LDB2: variants seen among roughly 807,000 people sequenced by gnomAD.
LDB2 encodes LIM domain-binding protein 2.
Under a neutral mutation model 44.3 loss-of-function variants are expected in LDB2, and 12 were observed. The ratio of observed to expected loss-of-function variants is 0.27; its 90% CI spans 0.17 to 0.44. The LOEUF is 0.44. Ranked by LOEUF, LDB2 falls within the 20% of genes least tolerant of loss-of-function variation. LDB2 has a pLI of 1.00. For missense variants in LDB2, 344 were observed against 473.5 expected (o/e 0.73, Z 2.54); for synonymous variants, 164 against 174.8 (o/e 0.94, Z 0.49).
intron 1 of LDB2, among the ~76,000 whole-genome samples, chr4:16,794,780 T>C (rs1776403892): frequency 6.6e-6 from 1 of 152,256 alleles, no homozygotes; most frequent in Admixed American, 6.5e-5. Flanking sequence ...CAACCTATTA[T>C]TAAAGTTCTC....
intron 1 of LDB2, among the ~76,000 whole-genome samples, chr4:16,845,269 C>A (rs1786741210): frequency 6.6e-6 from 1 of 152,168 alleles, no homozygotes; most frequent in Non-Finnish European, 1.5e-5. Context: ...TATTAAAGAG[C>A]CGTTTTGGTA....
chr4:16,578,829 T>C (rs1484368344), intron 5 of LDB2, among the ~76,000 whole-genome samples: 2 of 152,172 alleles, frequency 1.3e-5, no homozygotes, highest in African/African-American at 4.8e-5. Context: ...AAAGAAAATA[T>C]GGCACATATA....
intron 1 of LDB2, among the ~76,000 whole-genome samples, chr4:16,772,203 A>G (rs1015650457): frequency 6.6e-6 from 1 of 152,106 alleles, no homozygotes; most frequent in Non-Finnish European, 1.5e-5. Context: ...CATCCAATCT[A>G]CAGAAGCCTA....
intron 5 of LDB2, among the ~76,000 whole-genome samples, chr4:16,551,663 G>A (rs895138723): frequency 5.3e-5 from 8 of 151,944 alleles, no homozygotes; most frequent in African/African-American, 9.7e-5. Flanking sequence ...GATTATAGGC[G>A]CCTGCCACCA....
At chr4:16,842,772 C>T (rs575240587) in intron 1 of LDB2, among the ~76,000 whole-genome samples, 12 of 152,196 alleles carry the variant, frequency 7.9e-5, no homozygotes, top group African/African-American at 2.4e-4. Context: ...TCTAAAGGAG[C>T]GATTTGCGTA....
intron 5 of LDB2, among the ~76,000 whole-genome samples, chr4:16,564,223 G>A (rs1743636220): frequency 2.0e-5 from 3 of 152,212 alleles, no homozygotes; most frequent in East Asian, 3.9e-4. Context: ...GGGCGCTGTG[G>A]CTCATGCCTA....
intron 1 of LDB2, among the ~76,000 whole-genome samples, chr4:16,808,372 AAAATGCCCTC>A (rs1380837044): frequency 6.6e-6 from 1 of 152,204 alleles, no homozygotes; most frequent in Non-Finnish European, 1.5e-5. Context: ...GAAGATAGCA[AAAATGCCCTC>A]AGACAAATGG....
At position 16,886,054 on chromosome 4, in the gene LDB2, A is replaced by AT. The variant is rs891327333; in HGVS notation, c.132+12299dup. 4.4e-3 allele frequency among the ~76,000 whole-genome samples: 652 copies of AT among 148,338 alleles called. 5 individuals carry two copies. Among genetic ancestry groups the AT allele is most frequent in the African/African-American group, 0.012 (493 of 40,650 alleles). On this transcript the variant is annotated intron_variant, in intron 1 of 7. Coordinates refer to ENST00000304523, the MANE Select transcript of LDB2 (RefSeq NM_001290.5). ...AACAAAGAGAAATTCTATCTCTACA[A>AT]TTTTTTTTTTTTAAATTAGTCTAGT...
chr4:16,743,033 T>G (rs879888483), intron 2 of LDB2, among the ~76,000 whole-genome samples: 1 of 152,138 alleles, frequency 6.6e-6, no homozygotes, highest in East Asian at 1.9e-4. Context: ...CTCACACCTG[T>G]AATCCCAGCA....
intron 4 of LDB2, among the ~76,000 whole-genome samples, chr4:16,586,742 T>C (rs1717124545): frequency 6.6e-6 from 1 of 152,170 alleles, no homozygotes; most frequent in Non-Finnish European, 1.5e-5. Flanking sequence ...TAGAAGAAAA[T>C]GGAAATTCTT....
chr4:16,732,188 A>T (rs1246550358), intron 2 of LDB2, among the ~76,000 whole-genome samples: 3 of 152,104 alleles, frequency 2.0e-5, no homozygotes, highest in Non-Finnish European at 4.4e-5. Context: ...TGATTTTCAC[A>T]CCCCACCCTC....
intron 5 of LDB2, among the ~76,000 whole-genome samples, chr4:16,555,700 G>A (rs1046537711): frequency 6.6e-6 from 1 of 152,156 alleles, no homozygotes; most frequent in Non-Finnish European, 1.5e-5. Context: ...CCTCTAAGGT[G>A]GAGGCTCTCC....
At chr4:16,530,358 A>G (rs993122589) in intron 5 of LDB2, among the ~76,000 whole-genome samples, 1 of 152,154 alleles carries the variant, frequency 6.6e-6, no homozygotes, top group Admixed American at 6.5e-5. Context: ...TCTAGTCTCA[A>G]ACTTCCTTGC....
In LDB2 at chr4:16,582,363, C is replaced by G. The variant is rs1715042049; in HGVS notation, c.615+3559G>C. On this transcript the variant is annotated intron_variant, in intron 5 of 7. Transcript: ENST00000304523. This position sits in a 1 kb window ranked among gnomAD's most constrained non-coding sequence, Gnocchi z 4.8. ...ATGGCCCAATGCGCACTAAACTGCACTGCCTTCTCATGGTTGCTGAATTGG... is the reference window on the plus strand; with the variant it reads ...ATGGCCCAATGCGCACTAAACTGCAGTGCCTTCTCATGGTTGCTGAATTGG... Among the ~76,000 whole-genome samples, 1 of 152,206 alleles carries G rather than the reference C, an allele frequency of 6.6e-6. No homozygotes were observed. The highest frequency in any genetic ancestry group is 2.4e-5 in the African/African-American group (1 of 41,440).
Position 16,508,577 on chromosome 4 carries a change from C to T in LDB2, c.849G>A (p.Lys283=), listed in dbSNP as rs1254154482. 1.2e-6 allele frequency: 2 copies of T among 1,612,738 alleles called. No individual in the cohort carries two copies. The highest frequency in any genetic ancestry group is 2.2e-5 in the South Asian group (2 of 90,718). ...GNNANSTGSK[K]KTTAANLSLS... is the part of the protein sequence containing the mutation. ...GACTCAGGTTTGCAGCTGTGGTCTT[C>T]TTCTTGCTGCCAGTGCTGTTTGCAT... The change falls in exon 7 of 8, where the codon AAG becomes AAA. Residue 283 remains lysine, a synonymous_variant. Transcript: ENST00000304523.
intron 1 of LDB2, among the ~76,000 whole-genome samples, chr4:16,785,918 T>G (rs1774320589): frequency 6.6e-6 from 1 of 152,092 alleles, no homozygotes; most frequent in African/African-American, 2.4e-5. Context: ...TCCTTAAGTT[T>G]TGAAAGCAAA....
intron 5 of LDB2, among the ~76,000 whole-genome samples, chr4:16,521,506 A>G (rs1449112577): frequency 2.6e-5 from 4 of 152,048 alleles, no homozygotes; most frequent in Non-Finnish European, 1.5e-5. Context: ...CAAAGACTCT[A>G]CTCCCAAATA....
intron 2 of LDB2, among the ~76,000 whole-genome samples, chr4:16,662,999 C>T (rs1328291691): frequency 2.0e-5 from 3 of 152,094 alleles, no homozygotes; most frequent in Non-Finnish European, 4.4e-5. Flanking sequence ...GCTACTGACT[C>T]TTTCAGGATC....
chr4:16,574,884 G>T (rs1747787745), intron 5 of LDB2, among the ~76,000 whole-genome samples: 1 of 152,142 alleles, frequency 6.6e-6, no homozygotes, highest in Non-Finnish European at 1.5e-5. Flanking sequence ...ACTTGTTCAA[G>T]GTTATTGTCG....
Sources: allele counts gnomAD v4.1 joint callset (sites outside exome capture counted in the v4.1 genomes callset), GRCh38; gene constraint gnomAD v4.1.1; non-coding constraint Gnocchi (gnomAD v3.1); transcripts MANE v1.5; gene names NCBI Gene and HGNC (gene_info 2026-07-23, HGNC 2026-07-21).